Variants in SLC22A9 observed in about 807,000 individuals in gnomAD.
The protein encoded by SLC22A9 is solute carrier family 22 member 9, also known as organic anion transporter 7.
SLC22A9 carries 64 observed loss-of-function variants against 50.1 expected under a neutral mutation model. The observed-to-expected ratio is 1.28, with a 90% CI of 1.04 to 1.57. SLC22A9 has a LOEUF of 1.57. SLC22A9 is among the 40% of genes most tolerant of loss of function. SLC22A9 has a pLI of 0.00. For missense variants in SLC22A9, 757 were observed against 676.1 expected, an observed-to-expected ratio of 1.12 and a Z score of -1.33; for synonymous variants, 261 against 242.5, an observed-to-expected ratio of 1.08 and a Z score of -0.71.
intron 5 of SLC22A9, among the ~76,000 whole-genome samples, chr11:63,377,625 C>A (rs772492842): frequency 1.3e-5 from 2 of 152,024 alleles, no homozygotes; most frequent in African/African-American, 4.8e-5. Context: ...AATTAACAAC[C>A]TAACCTCAAA....
In SLC22A9 at chr11:63,408,789, T is replaced by A; in HGVS notation, c.1511T>A (p.Val504Asp). ...SPPLPWIIYGVFPFISGFAFL... is the reference protein window; with the variant it reads ...SPPLPWIIYGDFPFISGFAFL... Reference sequence around the variant, plus strand: ...CCCCTGCCCTGGATCATCTATGGAGTCTTCCCCTTCATCTCTGGCTTTGCT... The same window carrying A: ...CCCCTGCCCTGGATCATCTATGGAGACTTCCCCTTCATCTCTGGCTTTGCT... The change falls in exon 9 of 10, where the codon GTC becomes GAC. Residue 504 changes from valine to aspartate, a missense_variant. Physicochemically the swap from Val to Asp is radical, Grantham distance 152 (BLOSUM62 -3). Coordinates refer to ENST00000279178, the MANE Select transcript of SLC22A9 (RefSeq NM_080866.3). The A allele has an allele frequency of 6.2e-7, 1 of 1,613,744 alleles. No homozygotes were observed. The highest frequency in any genetic ancestry group is 1.1e-5 in the South Asian group (1 of 91,070).
chr11:63,384,366 C>G (rs2014623539), intron 6 of SLC22A9, among the ~76,000 whole-genome samples: 2 of 152,178 alleles, frequency 1.3e-5, no homozygotes, highest in Admixed American at 6.5e-5. Flanking sequence ...TTGTTCAGCT[C>G]CCACTTATAA....
At chr11:63,378,247 A>G (rs1462671968) in intron 5 of SLC22A9, among the ~76,000 whole-genome samples, 1 of 135,616 alleles carries the variant, frequency 7.4e-6, no homozygotes, top group African/African-American at 3.8e-5. Flanking sequence ...AATTTTAAAA[A>G]AAGAAAAACC....
intron 1 of SLC22A9, among the ~76,000 whole-genome samples, chr11:63,370,755 A>T (rs1272168171): frequency 6.6e-6 from 1 of 152,196 alleles, no homozygotes; most frequent in Non-Finnish European, 1.5e-5. Context: ...TCAGCCTGTC[A>T]TTGCAAATTA....
At chr11:63,405,323 G>A (rs760710073) in intron 6 of SLC22A9, among the ~76,000 whole-genome samples, 17 of 152,078 alleles carry the variant, frequency 1.1e-4, no homozygotes, top group Non-Finnish European at 2.1e-4. Context: ...TGAGCAATTT[G>A]GAAGTGGTGT....
intron 5 of SLC22A9, among the ~76,000 whole-genome samples, chr11:63,380,538 G>A (rs1262316253): frequency 6.6e-6 from 1 of 152,142 alleles, no homozygotes; most frequent in Non-Finnish European, 1.5e-5. Context: ...GCAGCAACAT[G>A]GATAGAGATG....
At position 63,380,837 on chromosome 11, in the gene SLC22A9, A is replaced by G. The variant is rs187369500; in HGVS notation, c.955-1322A>G. 5.1e-3 allele frequency among the ~76,000 whole-genome samples: 770 copies of G among 152,196 alleles called. 10 individuals are homozygous for G. The highest frequency in any genetic ancestry group is 0.018 in the African/African-American group (734 of 41,498). Reference sequence around the variant, plus strand: ...ATTTATCCATGTAACAAACCTGCACATGTGCCCCGAGCCTAAAAGTTGGAA... The same window carrying G: ...ATTTATCCATGTAACAAACCTGCACGTGTGCCCCGAGCCTAAAAGTTGGAA... On this transcript the variant is annotated intron_variant, in intron 5 of 9. Coordinates refer to ENST00000279178, the MANE Select transcript of SLC22A9 (RefSeq NM_080866.3).
At chr11:63,399,912 T>G (rs1443534678) in intron 6 of SLC22A9, among the ~76,000 whole-genome samples, 1 of 151,948 alleles carries the variant, frequency 6.6e-6, no homozygotes, top group Non-Finnish European at 1.5e-5. Context: ...ACCTGAAAAT[T>G]AAACAATATG....
At chr11:63,404,158 G>T (rs896242468) in intron 6 of SLC22A9, among the ~76,000 whole-genome samples, 1 of 151,986 alleles carries the variant, frequency 6.6e-6, no homozygotes, top group Non-Finnish European at 1.5e-5. Context: ...TGGAATATTA[G>T]CCTCAAAAAA....
At chr11:63,408,910 G>A in intron 9 of SLC22A9, 31 bp downstream of exon 9, 1 of 1,609,100 alleles carries the variant, frequency 6.2e-7, no homozygotes, top group Non-Finnish European at 8.5e-7. Flanking sequence ...CCCCTCAGAG[G>A]ATCTGTGTGC....
chr11:63,391,118 G>A (rs1255843292), intron 6 of SLC22A9, among the ~76,000 whole-genome samples: 3 of 151,844 alleles, frequency 2.0e-5, no homozygotes, highest in Non-Finnish European at 2.9e-5. Context: ...TCCATGTGTT[G>A]ATATGATTTT....
At chr11:63,372,901 T>A (rs1316644922) in intron 2 of SLC22A9, among the ~76,000 whole-genome samples, 1 of 152,234 alleles carries the variant, frequency 6.6e-6, no homozygotes, top group East Asian at 1.9e-4. Flanking sequence ...TTTCCCAACT[T>A]GATCATATCA....
chr11:63,395,673 T>A (rs1416839121), intron 6 of SLC22A9, among the ~76,000 whole-genome samples: 1 of 152,142 alleles, frequency 6.6e-6, no homozygotes, highest in East Asian at 1.9e-4. Flanking sequence ...GGTTTAATGT[T>A]CTATTTTTGT....
At chr11:63,382,622 T>C (rs1326089951) in intron 6 of SLC22A9, among the ~76,000 whole-genome samples, 1 of 152,168 alleles carries the variant, frequency 6.6e-6, no homozygotes, top group African/African-American at 2.4e-5. Flanking sequence ...TACACAAATA[T>C]ATACAGCTCA....
At position 63,406,609 on chromosome 11, in the gene SLC22A9, G is replaced by T. The variant is rs1043852728; in HGVS notation, c.1186G>T (p.Val396Phe). ...FGAVILLANC[V>F]APWALKYMNR... ...TGCAGTCATCCTCCTGGCCAACTGTGTTGCACCTTGGGCACTGAAATACAT... is the reference window on the plus strand; with the variant it reads ...TGCAGTCATCCTCCTGGCCAACTGTTTTGCACCTTGGGCACTGAAATACAT... Residue 396 changes from valine (V) to phenylalanine (F), a missense_variant, in exon 7 of 10, where the codon GTT (valine) becomes TTT (phenylalanine). By Grantham distance (50) the Val-to-Phe change is conservative. Transcript: ENST00000279178. 3 of 1,613,698 alleles carry T rather than the reference G, an allele frequency of 1.9e-6. No homozygotes were observed. Among genetic ancestry groups the T allele is most frequent in the Non-Finnish European group, 2.5e-6 (3 of 1,179,858 alleles).
intron 6 of SLC22A9, among the ~76,000 whole-genome samples, chr11:63,389,932 G>C (rs2014734010): frequency 6.6e-6 from 1 of 152,184 alleles, no homozygotes. Flanking sequence ...CTAATGACCA[G>C]TGATGATAAG....
rs2015040485 is a variant in SLC22A9, at chr11:63,406,531, C to T, written c.1108C>T (p.Leu370Phe). The T allele has an allele frequency of 6.2e-7, 1 of 1,613,738 alleles. No individual in the cohort carries two copies. Among genetic ancestry groups the T allele is most frequent in the African/African-American group, 1.3e-5 (1 of 75,014 alleles). The change falls in exon 7 of 10, where the codon CTC becomes TTC. Residue 370 changes from leucine to phenylalanine, a missense_variant. Coordinates refer to ENST00000279178, the MANE Select transcript of SLC22A9 (RefSeq NM_080866.3). ...CTTTATGGCCTATTTTGGCCTTAAT[C>T]TCCATGTCCAGCATCTGGGGAACAA... ...ANFMAYFGLN[L>F]HVQHLGNNVF...
At chr11:63,382,936 T>C (rs1368016742) in intron 6 of SLC22A9, among the ~76,000 whole-genome samples, 1 of 152,168 alleles carries the variant, frequency 6.6e-6, no homozygotes, top group Non-Finnish European at 1.5e-5. Flanking sequence ...TTCAGCTCAG[T>C]GCCAAGAGAG....
chr11:63,398,949 A>G (rs1480663028), intron 6 of SLC22A9, among the ~76,000 whole-genome samples: 1 of 152,206 alleles, frequency 6.6e-6, no homozygotes, highest in Non-Finnish European at 1.5e-5. Flanking sequence ...GAAACTTTCT[A>G]CTTCAGTGTA....
Sources: allele counts gnomAD v4.1 joint callset (sites outside exome capture counted in the v4.1 genomes callset), GRCh38; gene constraint gnomAD v4.1.1; transcripts MANE v1.5; gene names NCBI Gene and HGNC (gene_info 2026-07-23, HGNC 2026-07-21).